NCOA1: variants seen among roughly 807,000 people sequenced by gnomAD.
The protein encoded by NCOA1 is Hin-2 protein.
In NCOA1, 35 loss-of-function variants were observed where a neutral mutation model predicts 150.9. The ratio of observed to expected loss-of-function variants is 0.23; its 90% CI spans 0.18 to 0.31. The LOEUF (loss-of-function observed/expected upper bound fraction) is 0.31. NCOA1 is among the 10% of genes least tolerant of loss of function. The probability of loss-of-function intolerance (pLI) is 1.00; values close to 1 mark genes in which losing one functional copy is unlikely to be tolerated. For synonymous variants in NCOA1, 590 were observed against 630.0 expected (o/e 0.94, Z 0.95); for missense variants, 1,491 against 1,749.3 (o/e 0.85, Z 2.63).
chr2:24,575,576 CT>C (rs763939259), intron 2 of NCOA1, among the ~76,000 whole-genome samples: 4,863 of 135,562 alleles, frequency 0.036, 81 homozygotes, highest in East Asian at 0.1. Flanking sequence ...TTTTCTTTTT[CT>C]TTTTTTTTTT....
chr2:24,756,823 T>A (rs1664525857), intron 20 of NCOA1, among the ~76,000 whole-genome samples: 1 of 152,220 alleles, frequency 6.6e-6, no homozygotes, highest in Non-Finnish European at 1.5e-5. Flanking sequence ...CTTACTATTC[T>A]ACTTCCTAAT....
chr2:24,750,687 T>C (rs1409528061), intron 19 of NCOA1, among the ~76,000 whole-genome samples: 1 of 152,130 alleles, frequency 6.6e-6, no homozygotes, highest in Non-Finnish European at 1.5e-5. Flanking sequence ...GGAGCAAGGA[T>C]TGACTACAAA....
At chr2:24,751,792 A>C (rs1664255864) in intron 19 of NCOA1, among the ~76,000 whole-genome samples, 190 bp from the exon 20 acceptor site, 1 of 152,156 alleles carries the variant, frequency 6.6e-6, no homozygotes, top group Non-Finnish European at 1.5e-5. Context: ...TTCTTGCCCT[A>C]GTTTAAGATA....
At chr2:24,491,694 T>A (rs1246838567) in intron 1 of NCOA1, among the ~76,000 whole-genome samples, 92 bp downstream of exon 1, 2 of 150,764 alleles carry the variant, frequency 1.3e-5, no homozygotes, top group Admixed American at 1.3e-4. Flanking sequence ...GGGGAGCAGC[T>A]GGCGCCCCTC....
At chr2:24,740,444 T>A (rs1170295696) in intron 18 of NCOA1, among the ~76,000 whole-genome samples, 1 of 152,220 alleles carries the variant, frequency 6.6e-6, no homozygotes, top group Non-Finnish European at 1.5e-5. Context: ...CTCTACTGAA[T>A]ACTGTAGACA....
chr2:24,711,242 A>G (rs1467785570), intron 14 of NCOA1, 131 bp downstream of exon 14: 3 of 860,488 alleles, frequency 3.5e-6, no homozygotes, highest in Non-Finnish European at 5.1e-6. Flanking sequence ...CACTATAAAT[A>G]ATAAAACAGT....
At chr2:24,745,744 A>T (rs578138849) in intron 19 of NCOA1, among the ~76,000 whole-genome samples, 9 of 152,226 alleles carry the variant, frequency 5.9e-5, no homozygotes, top group Non-Finnish European at 2.9e-5. Context: ...TTTTCCACCA[A>T]CACCCCAAAC....
chr2:24,761,589 C>T (rs55690813), intron 21 of NCOA1, among the ~76,000 whole-genome samples: 6,519 of 152,258 alleles, frequency 0.043, 222 homozygotes, highest in African/African-American at 0.095. Flanking sequence ...TTATCAGCAT[C>T]ATTTTTGAAT....
chr2:24,727,021 C>T (rs1379917966), intron 15 of NCOA1, among the ~76,000 whole-genome samples: 1 of 151,040 alleles, frequency 6.6e-6, no homozygotes, highest in Admixed American at 6.6e-5. Flanking sequence ...AGCTGTAATC[C>T]CAGCTACTCA....
intron 3 of NCOA1, among the ~76,000 whole-genome samples, chr2:24,618,258 TTA>T (rs2148401613): frequency 1.3e-5 from 2 of 152,326 alleles, no homozygotes; most frequent in South Asian, 4.1e-4. Context: ...CTATTGCTGC[TTA>T]GTTCAACTAC....
intron 3 of NCOA1, among the ~76,000 whole-genome samples, chr2:24,637,621 T>C (rs1436636759): frequency 6.6e-6 from 1 of 152,218 alleles, no homozygotes; most frequent in East Asian, 1.9e-4. Flanking sequence ...CATTTCTTTA[T>C]GTTGCAAGCA....
At chr2:24,515,331 C>T (rs376351655) in intron 1 of NCOA1, among the ~76,000 whole-genome samples, 2 of 152,080 alleles carry the variant, frequency 1.3e-5, no homozygotes, top group Admixed American at 1.3e-4. Flanking sequence ...CTACCAGGCT[C>T]AAGCAGTCCT....
chr2:24,589,294 A>G (rs17734650), intron 3 of NCOA1, among the ~76,000 whole-genome samples: 22,535 of 152,104 alleles, frequency 0.15, 2,052 homozygotes, highest in Non-Finnish European at 0.2. Context: ...TGCATTGTCC[A>G]TCTTTCCTGG....
intron 19 of NCOA1, among the ~76,000 whole-genome samples, chr2:24,744,970 TA>T (rs1315676269): frequency 6.6e-6 from 1 of 152,196 alleles, no homozygotes; most frequent in Non-Finnish European, 1.5e-5. Flanking sequence ...AGCTTTGCTT[TA>T]TATCCTTTGC....
chr2:24,727,548 A>G (rs1344786195), intron 15 of NCOA1, among the ~76,000 whole-genome samples: 3 of 152,204 alleles, frequency 2.0e-5, no homozygotes, highest in Non-Finnish European at 2.9e-5. Context: ...CCTGCCAACC[A>G]CAGGAAGACT....
At chr2:24,609,521 A>G (rs1447152796) in intron 3 of NCOA1, among the ~76,000 whole-genome samples, 1 of 152,154 alleles carries the variant, frequency 6.6e-6, no homozygotes, top group Non-Finnish European at 1.5e-5. Flanking sequence ...GGAGGCTGAG[A>G]CTAGGAGGAT....
chr2:24,757,925 C>G (rs1041316525), intron 20 of NCOA1, 48 bp from the exon 21 acceptor site: 23 of 1,590,294 alleles, frequency 1.4e-5, no homozygotes, highest in Non-Finnish European at 2.0e-5. Context: ...CATATATCCC[C>G]TTGTTCATGA....
At chr2:24,679,929 G>C (rs750319503) in intron 7 of NCOA1, among the ~76,000 whole-genome samples, 3 of 152,162 alleles carry the variant, frequency 2.0e-5, no homozygotes, top group Non-Finnish European at 4.4e-5. Flanking sequence ...TGAGAACAAT[G>C]GGTTGTGCTT....
intron 2 of NCOA1, among the ~76,000 whole-genome samples, chr2:24,578,409 T>C (rs894418138): frequency 3.3e-5 from 5 of 152,118 alleles, no homozygotes; most frequent in Non-Finnish European, 7.4e-5. Flanking sequence ...AGCACATCTG[T>C]ATGAAGAAAA....
Sources: allele counts gnomAD v4.1 joint callset (sites outside exome capture counted in the v4.1 genomes callset), GRCh38; gene constraint gnomAD v4.1.1; transcripts MANE v1.5; gene names NCBI Gene and HGNC (gene_info 2026-07-23, HGNC 2026-07-21).